ERC1: variants seen among roughly 807,000 people sequenced by gnomAD.
ERC1 encodes RAB6 interacting protein 2.
A neutral mutation model predicts 132.0 loss-of-function variants in ERC1; 56 were observed. That is an observed-to-expected ratio of 0.42 (90% CI 0.34 to 0.53). ERC1 has a LOEUF of 0.53. ERC1 is among the 20% of genes least tolerant of loss of function. The pLI is 0.03. For missense variants in ERC1, 1,202 were observed against 1,349.9 expected (o/e 0.89, Z 1.72); for synonymous variants, 478 against 476.1 (o/e 1.00, Z -0.05).
chr12:1,113,564 A>ACAGTAGC (rs1470864978), intron 6 of ERC1, among the ~76,000 whole-genome samples: 1 of 152,240 alleles, frequency 6.6e-6, no homozygotes, highest in African/African-American at 2.4e-5. Context: ...CATTTAAAAA[A>ACAGTAGC]CCAAACTTGG....
chr12:1,398,616 C>T (rs1223167496), intron 16 of ERC1, among the ~76,000 whole-genome samples: 4 of 152,156 alleles, frequency 2.6e-5, no homozygotes, highest in African/African-American at 9.7e-5. Context: ...ACCCCACAGC[C>T]GGATTGTGGT....
intron 15 of ERC1, among the ~76,000 whole-genome samples, chr12:1,328,037 A>C (rs1258204830): frequency 6.6e-6 from 1 of 151,970 alleles, no homozygotes; most frequent in African/African-American, 2.4e-5. Flanking sequence ...CTATTTTATC[A>C]CTTTGTTTTT....
chr12:1,091,521 T>C (rs910045454), intron 3 of ERC1, among the ~76,000 whole-genome samples: 2 of 152,130 alleles, frequency 1.3e-5, no homozygotes, highest in Non-Finnish European at 1.5e-5. Context: ...AGATGCGAAA[T>C]TGGAGAGGTG....
intron 18 of ERC1, among the ~76,000 whole-genome samples, chr12:1,476,871 TTAAA>T (rs1215435726): frequency 5.3e-5 from 8 of 152,214 alleles, no homozygotes; most frequent in African/African-American, 1.2e-4. Flanking sequence ...TCTATTGGAG[TTAAA>T]TAAATTACAA....
At chr12:1,423,477 G>C (rs1004478459) in intron 17 of ERC1, among the ~76,000 whole-genome samples, 52 of 152,076 alleles carry the variant, frequency 3.4e-4, no homozygotes, top group Non-Finnish European at 1.5e-4. Flanking sequence ...TTTTGAGACT[G>C]TTGTTTTATG....
chr12:1,387,425 A>G (rs1476334013), intron 16 of ERC1, among the ~76,000 whole-genome samples: 2 of 152,214 alleles, frequency 1.3e-5, no homozygotes, highest in Non-Finnish European at 2.9e-5. Context: ...CCCCCAAAAA[A>G]CATTATGTCC....
chr12:1,080,931 C>CA lies in ERC1; in HGVS notation c.670-2220dup, dbSNP rs565819115. Among the ~76,000 whole-genome samples the CA allele has an allele frequency of 9.0e-3, 1,217 of 135,668 alleles. 7 individuals are homozygous for CA. The highest frequency in any genetic ancestry group is 0.015 in the Middle Eastern group (4 of 260). The allele number at this position is 135,668 out of a possible 152,430, so 89.0% of individuals were successfully genotyped here. On this transcript the variant is annotated intron_variant, in intron 2 of 18. Transcript: ENST00000360905. The stretch of plus-strand genomic sequence containing the variant: ...ACTAATAGAGCAGCCACCTTATTTC[C>CA]AAAAAAAAAAAAAGATTTTTTCAAT...
chr12:1,059,536 T>C (rs1213327299), intron 2 of ERC1, among the ~76,000 whole-genome samples: 1 of 152,246 alleles, frequency 6.6e-6, no homozygotes, highest in Non-Finnish European at 1.5e-5. Flanking sequence ...TGAGAGTTTT[T>C]ATCAGGAAGG....
intron 16 of ERC1, among the ~76,000 whole-genome samples, chr12:1,383,604 A>G (rs1374520327): frequency 6.6e-6 from 1 of 152,224 alleles, no homozygotes; most frequent in Non-Finnish European, 1.5e-5. Context: ...ACTGCACTCC[A>G]GCCTGGGTGA....
chr12:1,162,795 C>T (rs1011263663), intron 8 of ERC1, among the ~76,000 whole-genome samples: 32 of 151,932 alleles, frequency 2.1e-4, no homozygotes, highest in Non-Finnish European at 4.4e-5. Flanking sequence ...TAAATCTTAA[C>T]CCAGCTGTGA....
chr12:1,175,722 A>G (rs1953637182), intron 8 of ERC1, among the ~76,000 whole-genome samples: 1 of 151,912 alleles, frequency 6.6e-6, no homozygotes, highest in Non-Finnish European at 1.5e-5. Context: ...TTCAGTAGAG[A>G]CAGCGTTTCT....
intron 16 of ERC1, among the ~76,000 whole-genome samples, chr12:1,381,792 G>A (rs1566728185): frequency 1.3e-5 from 2 of 152,108 alleles, no homozygotes; most frequent in Non-Finnish European, 2.9e-5. Flanking sequence ...ATCATGATAG[G>A]TCGGAATTTC....
intron 15 of ERC1, among the ~76,000 whole-genome samples, chr12:1,306,355 C>G (rs9943818): frequency 0.37 from 55,772 of 152,046 alleles, 10,578 homozygotes; most frequent in Middle Eastern, 0.44. Flanking sequence ...GGCAATTGCT[C>G]CACCCGTTAA....
chr12:1,360,250 T>C (rs989681549), intron 15 of ERC1, among the ~76,000 whole-genome samples: 1 of 152,216 alleles, frequency 6.6e-6, no homozygotes, highest in Non-Finnish European at 1.5e-5. Flanking sequence ...TAAACAGGGA[T>C]CTGGATGTCA....
chr12:1,477,372 A>G (rs2093995447), intron 18 of ERC1, among the ~76,000 whole-genome samples: 1 of 152,210 alleles, frequency 6.6e-6, no homozygotes, highest in Non-Finnish European at 1.5e-5. Context: ...AGGTAAACAC[A>G]TTTCGCTAAG....
At chr12:1,124,802 T>G (rs1215441524) in intron 7 of ERC1, among the ~76,000 whole-genome samples, 1 of 152,010 alleles carries the variant, frequency 6.6e-6, no homozygotes, top group African/African-American at 2.4e-5. Flanking sequence ...TAAACAATTA[T>G]ATTCGAATAA....
At chr12:1,164,267 TG>T (rs1346635666) in intron 8 of ERC1, among the ~76,000 whole-genome samples, 17,197 of 116,984 alleles carry the variant, frequency 0.15, 1,401 homozygotes, top group Non-Finnish European at 0.18. Context: ...TTTTATTTTA[TG>T]TTGTTATTTT....
chr12:1,112,134 G>A, intron 5 of ERC1, 81 bp from the exon 6 acceptor site: 1 of 869,164 alleles, frequency 1.2e-6, no homozygotes, highest in Non-Finnish European at 1.9e-6. Flanking sequence ...GTTATTTCTA[G>A]TTACCATTCT....
intron 18 of ERC1, among the ~76,000 whole-genome samples, chr12:1,465,799 C>A (rs536327982): frequency 2.0e-5 from 3 of 152,364 alleles, no homozygotes; most frequent in South Asian, 2.1e-4. Flanking sequence ...ACTAGTGAGG[C>A]CTCCTTGCTG....
Sources: allele counts gnomAD v4.1 joint callset (sites outside exome capture counted in the v4.1 genomes callset), GRCh38; gene constraint gnomAD v4.1.1; transcripts MANE v1.5; gene names NCBI Gene and HGNC (gene_info 2026-07-23, HGNC 2026-07-21).